TIAM1: variants seen among roughly 807,000 people sequenced by gnomAD.
The protein encoded by TIAM1 is TIAM Rac1 associated GEF 1.
A neutral mutation model predicts 163.5 loss-of-function variants in TIAM1; 65 were observed. That is an observed-to-expected ratio of 0.40 (90% CI 0.33 to 0.49). The LOEUF is 0.49. TIAM1 is among the 20% of genes least tolerant of loss of function. The pLI is 0.77. For synonymous variants in TIAM1, 833 were observed against 810.1 expected (o/e 1.03, Z -0.48); for missense variants, 1,789 against 2,044.7 (o/e 0.87, Z 2.41).
chr21:31,200,299 T>C (rs745419227), intron 12 of TIAM1, among the ~76,000 whole-genome samples: 1 of 151,760 alleles, frequency 6.6e-6, no homozygotes, highest in Admixed American at 6.6e-5. Flanking sequence ...ATCGCGCCAC[T>C]GCACTCCAGA....
intron 1 of TIAM1, among the ~76,000 whole-genome samples, chr21:31,486,275 C>T (rs541715287): frequency 5.3e-4 from 80 of 152,312 alleles, no homozygotes; most frequent in African/African-American, 1.9e-3. Context: ...AATGAAAACG[C>T]TCGCCCTCTG....
At chr21:31,550,766 C>A (rs1255069012) in intron 1 of TIAM1, among the ~76,000 whole-genome samples, 1 of 152,012 alleles carries the variant, frequency 6.6e-6, no homozygotes, top group Non-Finnish European at 1.5e-5. Flanking sequence ...GGGGGTAGAG[C>A]CAGGAAGAAA....
chr21:31,294,933 C>G (rs1452046958), intron 2 of TIAM1, among the ~76,000 whole-genome samples: 2 of 152,222 alleles, frequency 1.3e-5, no homozygotes, highest in African/African-American at 4.8e-5. Flanking sequence ...TCCCCACACT[C>G]ACAGGAACAG....
intron 2 of TIAM1, among the ~76,000 whole-genome samples, chr21:31,451,181 A>T (rs559179489): frequency 6.6e-6 from 1 of 152,250 alleles, no homozygotes; most frequent in Admixed American, 6.5e-5. Flanking sequence ...GGCCAGCATA[A>T]ATCAGGCCCA....
At chr21:31,274,771 G>A (rs891736922) in intron 3 of TIAM1, among the ~76,000 whole-genome samples, 1 of 152,146 alleles carries the variant, frequency 6.6e-6, no homozygotes, top group South Asian at 2.1e-4. Flanking sequence ...TGAGATGCAC[G>A]TTCAACATAC....
At chr21:31,409,746 G>C (rs1057398590) in intron 2 of TIAM1, among the ~76,000 whole-genome samples, 1 of 152,152 alleles carries the variant, frequency 6.6e-6, no homozygotes, top group Non-Finnish European at 1.5e-5. Flanking sequence ...TGGGCTGGAG[G>C]AAAAAAATCC....
chr21:31,266,053 C>A lies in TIAM1; in HGVS notation c.920G>T (p.Ser307Ile). Residue 307 changes from serine (S) to isoleucine (I), a missense_variant, in exon 4 of 28, where the codon AGC becomes ATC. Ser to Ile is a moderately radical substitution (Grantham distance 142). This residue lies in a region of TIAM1 where 555 missense variants were observed against 564.9 expected (regional missense o/e 0.98). Coordinates refer to ENST00000541036, the MANE Select transcript of TIAM1 (RefSeq NM_001353694.2). ...TCTGCCTTGCATGCTGTTGCTATGGCTAATTTGTGGGTTGGTGGCACCTTC... is the reference window on the plus strand; with the variant it reads ...TCTGCCTTGCATGCTGTTGCTATGGATAATTTGTGGGTTGGTGGCACCTTC... ...LSEGATNPQI[S>I]HSNSMQGRRA... The A allele has an allele frequency of 6.2e-7, 1 of 1,614,184 alleles. No homozygotes were observed. The highest frequency in any genetic ancestry group is 1.1e-5 in the South Asian group (1 of 91,082).
At chr21:31,334,289 C>CTTTTTT (rs11323293) in intron 2 of TIAM1, among the ~76,000 whole-genome samples, 1 of 144,904 alleles carries the variant, frequency 6.9e-6, no homozygotes, top group African/African-American at 2.5e-5. Context: ...ACCTCCCCGC[C>CTTTTTT]TTTTTTTTTT....
At chr21:31,331,477 G>C (rs1406768030) in intron 2 of TIAM1, among the ~76,000 whole-genome samples, 1 of 152,182 alleles carries the variant, frequency 6.6e-6, no homozygotes, top group Non-Finnish European at 1.5e-5. Flanking sequence ...TATTCCAAAA[G>C]AAACTACTTC....
At chr21:31,391,715 T>C (rs1214907038) in intron 2 of TIAM1, among the ~76,000 whole-genome samples, 1 of 152,230 alleles carries the variant, frequency 6.6e-6, no homozygotes, top group Non-Finnish European at 1.5e-5. Flanking sequence ...CTTACAACTT[T>C]TACATATCCA....
In TIAM1 at chr21:31,315,679, C is replaced by CAAAAAAAAAAAAAAAAAAAA. The variant is rs58560437; in HGVS notation, c.-189+23544_-189+23563dup. ...GGGCAACAAGAGCAAAACTCCATCT[C>CAAAAAAAAAAAAAAAAAAAA]AAAAAAAAAAAAAAAAAAAAGGACA... On this transcript the variant is annotated intron_variant, in intron 2 of 27. Transcript: ENST00000541036. 9.6e-4 allele frequency among the ~76,000 whole-genome samples: 77 copies of CAAAAAAAAAAAAAAAAAAAA among 80,232 alleles called. 2 individuals carry two copies. The highest frequency in any genetic ancestry group is 2.2e-3 in the African/African-American group (49 of 22,364). 52.6% of individuals were successfully genotyped at this position (80,232 alleles called of 152,430 possible). A position where few individuals can be genotyped will look rare whatever the true frequency, so the allele number is the denominator to read the frequency against.
At chr21:31,189,044 C>CT (rs58786753) in intron 13 of TIAM1, among the ~76,000 whole-genome samples, 32,702 of 69,684 alleles carry the variant, frequency 0.47, 12,691 homozygotes, top group Non-Finnish European at 0.61. Flanking sequence ...TCCATTCCCT[C>CT]TTTTTTTTTT....
intron 15 of TIAM1, among the ~76,000 whole-genome samples, chr21:31,167,596 A>G (rs1223351058): frequency 6.6e-6 from 1 of 152,168 alleles, no homozygotes; most frequent in Non-Finnish European, 1.5e-5. Context: ...AAGTATATCC[A>G]TCAATCCCCA....
chr21:31,226,031 G>T, intron 6 of TIAM1, 81 bp from the exon 7 acceptor site: 2 of 1,282,730 alleles, frequency 1.6e-6, no homozygotes, highest in Non-Finnish European at 2.2e-6. Context: ...TTCCAGAGAA[G>T]CAATGCCTGG....
rs2071815493 is a variant in TIAM1 at position 31,251,723 on chromosome 21, G to A, written c.1411+19C>T. ...CTATTGGTGCATTTGGCACATAGCC[G>A]GGGCCCTCCCGCTCTCACCTTTCAG... On this transcript the variant is annotated intron_variant, in intron 5 of 27. Coordinates refer to ENST00000541036, the MANE Select transcript of TIAM1 (RefSeq NM_001353694.2). 2 of 1,557,420 alleles carry A rather than the reference G, an allele frequency of 1.3e-6. No homozygotes were observed. Among genetic ancestry groups the A allele is most frequent in the Non-Finnish European group, 8.7e-7 (1 of 1,146,950 alleles).
At chr21:31,150,107 G>C (rs1168550898) in intron 19 of TIAM1, among the ~76,000 whole-genome samples, 1 of 152,152 alleles carries the variant, frequency 6.6e-6, no homozygotes, top group East Asian at 1.9e-4. Context: ...GGGGAATCTA[G>C]ATGAAGGGTA....
chr21:31,282,966 A>G (rs1045368298), intron 2 of TIAM1, among the ~76,000 whole-genome samples: 9 of 152,250 alleles, frequency 5.9e-5, no homozygotes, highest in African/African-American at 2.2e-4. Flanking sequence ...TAAGTCAACC[A>G]CAAGTTGGGA....
intron 1 of TIAM1, among the ~76,000 whole-genome samples, chr21:31,543,623 G>C (rs1413521596): frequency 1.3e-5 from 2 of 152,226 alleles, no homozygotes; most frequent in East Asian, 1.9e-4. Flanking sequence ...TAGAAGAGGA[G>C]GTAGATTTTG....
chr21:31,530,642 G>A (rs1025570202), intron 1 of TIAM1, among the ~76,000 whole-genome samples: 11 of 152,284 alleles, frequency 7.2e-5, no homozygotes, highest in African/African-American at 1.9e-4. Flanking sequence ...ACACCTGGAC[G>A]CCTCCTGGTG....
Sources: gnomAD v4.1 joint callset for allele counts (sites outside exome capture counted in the v4.1 genomes callset) on GRCh38, gnomAD v4.1.1 for gene constraint, gnomAD v4.1.1 regional missense constraint, MANE v1.5 for transcripts, NCBI Gene and HGNC (gene_info 2026-07-23, HGNC 2026-07-21) for gene names.